SS18: variants seen among roughly 807,000 people sequenced by gnomAD.
SS18 encodes SS18 subunit of BAF chromatin remodeling complex, also known as protein SSXT.
In SS18, 28 loss-of-function variants were observed where a neutral mutation model predicts 72.5. The observed-to-expected ratio is 0.39, with a 90% CI of 0.29 to 0.53. The LOEUF (loss-of-function observed/expected upper bound fraction) is 0.53, where lower values mean the gene tolerates loss of function less well. Among genes scored for constraint, SS18 ranks in the 20% least tolerant of loss-of-function variants. The pLI, the probability that SS18 is intolerant of heterozygous loss-of-function variation, is 0.76. For missense variants in SS18, 518 were observed against 535.3 expected (o/e 0.97, Z 0.32); for synonymous variants, 172 against 164.2 (o/e 1.05, Z -0.37).
At chr18:26,056,802 T>C (rs1408616645) in intron 4 of SS18, among the ~76,000 whole-genome samples, 2 of 152,226 alleles carry the variant, frequency 1.3e-5, no homozygotes, top group East Asian at 1.9e-4. Flanking sequence ...ATACCTAATG[T>C]AGATAATATT....
In SS18 at chr18:26,080,425, T is replaced by TA. The variant is rs1170342810; in HGVS notation, c.147-2266_147-2265insT. 3 of 982,958 alleles carry TA rather than the reference T, an allele frequency of 3.1e-6. No individual in the cohort carries two copies. The African/African-American group carries it at 5.2e-5, about 17-fold the overall frequency. 60.9% of individuals were successfully genotyped at this position (982,958 alleles called of 1,614,324 possible). A position where few individuals can be genotyped will look rare whatever the true frequency, so the allele number is the denominator to read the frequency against. On this transcript the variant is annotated intron_variant, in intron 2 of 10. Transcript: ENST00000415083. ...AACAGATGTGGTTTATTCATGACCCTTTAAGAAAAAATTTTAGTATCATGT... is the reference window on the plus strand; with the variant it reads ...AACAGATGTGGTTTATTCATGACCCTATTAAGAAAAAATTTTAGTATCATGT...
intron 5 of SS18, among the ~76,000 whole-genome samples, chr18:26,046,218 GA>G (rs67398360): frequency 0.059 from 7,774 of 130,854 alleles, 277 homozygotes; most frequent in East Asian, 0.13. Context: ...AAAAGAAGTA[GA>G]AAAAAAAAGG....
intron 10 of SS18, among the ~76,000 whole-genome samples, chr18:26,019,592 C>G (rs1280356384): frequency 6.6e-6 from 1 of 151,996 alleles, no homozygotes; most frequent in Non-Finnish European, 1.5e-5. Context: ...GGGTGATTCA[C>G]TTGAGGTCAG....
intron 10 of SS18, chr18:26,023,731 A>T (rs550996945): frequency 7.0e-5 from 32 of 460,378 alleles, no homozygotes; most frequent in Middle Eastern, 6.3e-4. Flanking sequence ...GCATTTCAAG[A>T]AATGTTAACA....
In SS18 at chr18:26,066,292, C is replaced by T. The variant is rs2054214934; in HGVS notation, c.232-8550G>A. On this transcript the variant is annotated intron_variant, in intron 3 of 10. Transcript: ENST00000415083. ...ATTTGTTGAATGAAAAATGATTGTG[C>T]AGTATGAACACTTTGAGAATTAAAT... 2.0e-5 allele frequency among the ~76,000 whole-genome samples: 3 copies of T among 152,142 alleles called. No individual in the cohort carries two copies. The South Asian group carries it at 6.2e-4, about 32-fold the overall frequency.
chr18:26,072,262 G>GA (rs928456517), intron 3 of SS18, among the ~76,000 whole-genome samples: 1 of 144,542 alleles, frequency 6.9e-6, no homozygotes, highest in African/African-American at 2.5e-5. Flanking sequence ...CAACTAGAAA[G>GA]AAAAAAAAGG....
chr18:26,056,967 T>C (rs190162550), intron 4 of SS18, among the ~76,000 whole-genome samples: 1 of 152,270 alleles, frequency 6.6e-6, no homozygotes, highest in Non-Finnish European at 1.5e-5. Flanking sequence ...ACACTTAAAA[T>C]TGACAAATAG....
chr18:26,058,733 A>ATTAGATTATTT (rs1463309507), intron 3 of SS18, among the ~76,000 whole-genome samples: 1 of 152,234 alleles, frequency 6.6e-6, no homozygotes, highest in Admixed American at 6.5e-5. Context: ...ACAGAAATAA[A>ATTAGATTATTT]CAAGTCTACT....
chr18:26,075,893 T>C (rs556750033), intron 3 of SS18, among the ~76,000 whole-genome samples: 1 of 152,048 alleles, frequency 6.6e-6, no homozygotes, highest in East Asian at 1.9e-4. Flanking sequence ...TCAAATTAAT[T>C]GCATTTCCAT....
intron 3 of SS18, among the ~76,000 whole-genome samples, chr18:26,068,066 C>T (rs1001150033): frequency 1.3e-5 from 2 of 152,190 alleles, no homozygotes; most frequent in African/African-American, 4.8e-5. Context: ...GTAATGCTCT[C>T]TCACCTGCTG....
intron 2 of SS18, among the ~76,000 whole-genome samples, chr18:26,079,739 C>G (rs1418772549): frequency 6.6e-6 from 1 of 152,046 alleles, no homozygotes; most frequent in Non-Finnish European, 1.5e-5. Flanking sequence ...CATACCACCA[C>G]ACGGTGCTAA....
chr18:26,060,880 T>A (rs1387538897), intron 3 of SS18, among the ~76,000 whole-genome samples: 1 of 141,438 alleles, frequency 7.1e-6, no homozygotes, highest in Non-Finnish European at 1.5e-5. Context: ...CGCTTGCACC[T>A]GGGAGGTGGA....
At chr18:26,069,925 C>T (rs192956230) in intron 3 of SS18, among the ~76,000 whole-genome samples, 1 of 152,178 alleles carries the variant, frequency 6.6e-6, no homozygotes, top group Non-Finnish European at 1.5e-5. Context: ...ATAGAAATGC[C>T]ATTTCTTCAA....
chr18:26,088,677 G>A (rs957978782), intron 1 of SS18, among the ~76,000 whole-genome samples: 1 of 152,098 alleles, frequency 6.6e-6, no homozygotes, highest in Non-Finnish European at 1.5e-5. Context: ...TTGCCATTTT[G>A]AGCAAGTCAC....
At chr18:26,072,543 C>T (rs947706320) in intron 3 of SS18, among the ~76,000 whole-genome samples, 2 of 151,834 alleles carry the variant, frequency 1.3e-5, no homozygotes, top group African/African-American at 4.8e-5. Flanking sequence ...TTGCAGGCGG[C>T]GCGCAGCACT....
intron 5 of SS18, among the ~76,000 whole-genome samples, chr18:26,051,553 C>T (rs1455763753): frequency 6.6e-6 from 1 of 152,158 alleles, no homozygotes; most frequent in Non-Finnish European, 1.5e-5. Flanking sequence ...ATCAATTTTC[C>T]TGTTCTCTCT....
At chr18:26,033,628 A>C (rs2053581008) in intron 9 of SS18, among the ~76,000 whole-genome samples, 1 of 151,786 alleles carries the variant, frequency 6.6e-6, no homozygotes, top group Non-Finnish European at 1.5e-5. Context: ...AAAGAGAACA[A>C]GTTTTCAAGC....
At chr18:26,070,859 T>C (rs2054298973) in intron 3 of SS18, among the ~76,000 whole-genome samples, 1 of 152,188 alleles carries the variant, frequency 6.6e-6, no homozygotes, top group African/African-American at 2.4e-5. Flanking sequence ...TAATAGTTTT[T>C]TCAGACTCAA....
chr18:26,074,624 A>AT (rs1015046990), intron 3 of SS18, among the ~76,000 whole-genome samples: 62 of 152,132 alleles, frequency 4.1e-4, no homozygotes, highest in African/African-American at 1.5e-3. Flanking sequence ...TAAGTTTATT[A>AT]TTTTTAACAA....
Sources: gnomAD v4.1 joint callset for allele counts (sites outside exome capture counted in the v4.1 genomes callset) on GRCh38, gnomAD v4.1.1 for gene constraint, MANE v1.5 for transcripts, NCBI Gene and HGNC (gene_info 2026-07-23, HGNC 2026-07-21) for gene names.